Variants in SCTR observed in about 807,000 individuals in gnomAD.
SCTR encodes pancreatic secretin receptor.
A neutral mutation model predicts 60.8 loss-of-function variants in SCTR; 56 were observed. The ratio of observed to expected loss-of-function variants is 0.92; its 90% CI spans 0.74 to 1.15. The LOEUF is 1.15. SCTR is among the 50% of genes most tolerant of loss of function. The pLI is 0.00. For synonymous variants in SCTR, 202 were observed against 217.0 expected (o/e 0.93, Z 0.61); for missense variants, 562 against 550.4 (o/e 1.02, Z -0.21).
intron 9 of SCTR, among the ~76,000 whole-genome samples, chr2:119,450,954 C>A (rs1378955972): frequency 6.6e-6 from 1 of 152,196 alleles, no homozygotes; most frequent in Admixed American, 6.5e-5. Flanking sequence ...CAGAGTGAGA[C>A]CCTGTCTCAA....
intron 2 of SCTR, among the ~76,000 whole-genome samples, chr2:119,483,577 G>A (rs1384454032): frequency 2.6e-5 from 4 of 152,206 alleles, no homozygotes; most frequent in East Asian, 1.9e-4. Flanking sequence ...CCCAGCGTGC[G>A]ATGAGCTCAC....
chr2:119,495,115 AC>A (rs1476550262), intron 1 of SCTR, among the ~76,000 whole-genome samples: 3 of 3,774 alleles, frequency 7.9e-4, no homozygotes, highest in Non-Finnish European at 1.7e-3. Flanking sequence ...ATAGATTTAC[AC>A]ACACACACAC....
At chr2:119,504,339 T>C (rs1338158587) in intron 1 of SCTR, among the ~76,000 whole-genome samples, 1 of 152,162 alleles carries the variant, frequency 6.6e-6, no homozygotes, top group Non-Finnish European at 1.5e-5. Flanking sequence ...ATGCCTGTAA[T>C]CTCAGCACTT....
At chr2:119,520,420 G>A (rs7573139) in intron 1 of SCTR, among the ~76,000 whole-genome samples, 4,179 of 152,290 alleles carry the variant, frequency 0.027, 88 homozygotes, top group Middle Eastern at 0.054. Context: ...GATCACTTGA[G>A]CCAGGAAGTT....
At chr2:119,444,926 C>CACACATATATTCGTACGAATATATAT (rs1682861437) in intron 11 of SCTR, among the ~76,000 whole-genome samples, 1 of 2,072 alleles carries the variant, frequency 4.8e-4, no homozygotes, top group Non-Finnish European at 1.1e-3. Context: ...TACGAATATA[C>CACACATATATTCGTACGAATATATAT]ACATATATTC....
intron 1 of SCTR, among the ~76,000 whole-genome samples, chr2:119,516,076 CAAT>C (rs1164970156): frequency 6.6e-6 from 1 of 152,100 alleles, no homozygotes; most frequent in Non-Finnish European, 1.5e-5. Context: ...CAAGTGCTAA[CAAT>C]GATGTGGAGA....
In SCTR at chr2:119,440,010, A is replaced by G; in HGVS notation, c.*107T>C. 2 of 1,200,110 alleles carry G rather than the reference A, an allele frequency of 1.7e-6. No homozygotes were observed. The highest frequency in any genetic ancestry group is 2.3e-6 in the Non-Finnish European group (2 of 856,134). 74.3% of individuals were successfully genotyped at this position (1,200,110 alleles called of 1,614,324 possible). The stretch of plus-strand genomic sequence containing the variant: ...CCTGGGGAGGGGCATCTTCAGCTGA[A>G]GGAGGACACAGGGTGTCTGCTGGGA... On this transcript the variant is annotated 3_prime_UTR_variant, in exon 13 of 13. Coordinates refer to ENST00000019103, the MANE Select transcript of SCTR (RefSeq NM_002980.3).
At chr2:119,457,492 G>A (rs940564353) in intron 7 of SCTR, among the ~76,000 whole-genome samples, 1 of 152,092 alleles carries the variant, frequency 6.6e-6, no homozygotes, top group Non-Finnish European at 1.5e-5. Flanking sequence ...CAGGAGGATC[G>A]TTTGGGCCCA....
At chr2:119,440,372 TC>T in intron 12 of SCTR, 115 bp from the exon 13 acceptor site, 1 of 1,202,670 alleles carries the variant, frequency 8.3e-7, no homozygotes, top group African/African-American at 1.5e-5. Flanking sequence ...AGCTGCCCTG[TC>T]CCCTAGCCTG....
intron 1 of SCTR, among the ~76,000 whole-genome samples, chr2:119,508,106 A>T (rs1678809570): frequency 6.6e-6 from 1 of 152,184 alleles, no homozygotes; most frequent in African/African-American, 2.4e-5. Context: ...TGCCCATGAG[A>T]TTAGATTCTA....
At chr2:119,461,218 G>A (rs1225385573) in intron 7 of SCTR, among the ~76,000 whole-genome samples, 11 of 152,292 alleles carry the variant, frequency 7.2e-5, no homozygotes, top group East Asian at 1.9e-4. Flanking sequence ...AGTCAAAAGC[G>A]TTCTAATACA....
intron 9 of SCTR, among the ~76,000 whole-genome samples, chr2:119,451,118 G>A (rs6707317): frequency 0.021 from 3,126 of 152,296 alleles, 99 homozygotes; most frequent in African/African-American, 0.072. Context: ...AAGGGGCCCT[G>A]TCCTGTGCCC....
At chr2:119,459,092 A>G (rs944896666) in intron 7 of SCTR, among the ~76,000 whole-genome samples, 1 of 152,242 alleles carries the variant, frequency 6.6e-6, no homozygotes, top group Non-Finnish European at 1.5e-5. Flanking sequence ...GGGATTCTGT[A>G]TTACATACAG....
intron 4 of SCTR, among the ~76,000 whole-genome samples, chr2:119,468,768 A>G (rs1303952042): frequency 6.6e-6 from 1 of 152,224 alleles, no homozygotes; most frequent in Non-Finnish European, 1.5e-5. Context: ...TTTAAGAGTC[A>G]CATTAATAAA....
At chr2:119,516,514 T>C (rs1415886330) in intron 1 of SCTR, among the ~76,000 whole-genome samples, 1 of 150,804 alleles carries the variant, frequency 6.6e-6, no homozygotes, top group African/African-American at 2.4e-5. Flanking sequence ...ATTACAAAGT[T>C]GAATACAAAG....
rs1683737380 is a variant in SCTR, at chr2:119,464,241, G to A, written c.518C>T (p.Thr173Ile). ...ILCAFRRLHCTRNYIHMHLFV... is the reference protein window; with the variant it reads ...ILCAFRRLHCIRNYIHMHLFV... ...CAGGTGCATGTGGATGTAGTTGCGAGTGCAGTGGAGCCTCCTGCAGGGAGA... is the reference window on the plus strand; with the variant it reads ...CAGGTGCATGTGGATGTAGTTGCGAATGCAGTGGAGCCTCCTGCAGGGAGA... Residue 173 changes from threonine (T) to isoleucine (I), a missense_variant, in exon 6 of 13, where the codon ACT becomes ATT. By Grantham distance (89) the Thr-to-Ile change is moderately conservative (BLOSUM62 -1). Transcript: ENST00000019103. 6.2e-7 allele frequency: 1 copy of A among 1,614,090 alleles called. No homozygotes were observed.
intron 2 of SCTR, chr2:119,486,200 C>T (rs1677861402): frequency 6.6e-6 from 1 of 151,862 alleles, no homozygotes; most frequent in Admixed American, 6.6e-5. Context: ...GATGAGGTCC[C>T]CATCACTGAA....
At chr2:119,481,236 T>G (rs1270845621) in intron 2 of SCTR, among the ~76,000 whole-genome samples, 1 of 152,232 alleles carries the variant, frequency 6.6e-6, no homozygotes, top group Non-Finnish European at 1.5e-5. Flanking sequence ...TCAGCTTTTT[T>G]AAGGAGCAAG....
chr2:119,444,021 A>AG (rs11394605), intron 11 of SCTR, among the ~76,000 whole-genome samples: 34,120 of 151,532 alleles, frequency 0.23, 4,221 homozygotes, highest in South Asian at 0.35. Context: ...AGATGAAACA[A>AG]ACAGGCCATG....
Sources: allele counts gnomAD v4.1 joint callset (sites outside exome capture counted in the v4.1 genomes callset), GRCh38; gene constraint gnomAD v4.1.1; transcripts MANE v1.5; gene names NCBI Gene and HGNC (gene_info 2026-07-23, HGNC 2026-07-21).